CPNE4: variants seen among roughly 807,000 people sequenced by gnomAD.
CPNE4 encodes copine 4.
A neutral mutation model predicts 67.9 loss-of-function variants in CPNE4; 25 were observed. The ratio of observed to expected loss-of-function variants is 0.37; its 90% CI spans 0.27 to 0.51. CPNE4 has a LOEUF of 0.51. Among genes scored for constraint, CPNE4 ranks in the 20% least tolerant of loss-of-function variants. The pLI, the probability that CPNE4 is intolerant of heterozygous loss-of-function variation, is 0.93. For synonymous variants in CPNE4, 242 were observed against 244.9 expected, an observed-to-expected ratio of 0.99 and a Z score of 0.11; for missense variants, 464 against 690.8, an observed-to-expected ratio of 0.67 and a Z score of 3.68.
intron 6 of CPNE4, among the ~76,000 whole-genome samples, chr3:131,679,609 G>GA (rs1382575981): frequency 6.6e-5 from 10 of 152,266 alleles, no homozygotes; most frequent in African/African-American, 2.2e-4. Context: ...CTGTGTCCCA[G>GA]AGATTGTGGT....
chr3:131,560,116 G>T (rs1217475194), intron 11 of CPNE4, among the ~76,000 whole-genome samples: 1 of 151,968 alleles, frequency 6.6e-6, no homozygotes. Context: ...TAAATCTAGG[G>T]TATTAAAGAT....
intron 2 of CPNE4, among the ~76,000 whole-genome samples, chr3:131,794,266 T>A (rs922505): frequency 7.3e-5 from 11 of 150,708 alleles, no homozygotes; most frequent in African/African-American, 2.7e-4. Context: ...TTAGATGGAG[T>A]CTTGCTGTGT....
chr3:131,719,346 A>G (rs1360905950), intron 3 of CPNE4, among the ~76,000 whole-genome samples: 3 of 152,242 alleles, frequency 2.0e-5, no homozygotes, highest in African/African-American at 7.2e-5. Context: ...AAATGTAGAT[A>G]ATGATTCCTG....
chr3:131,801,047 G>A (rs867470006), intron 2 of CPNE4, among the ~76,000 whole-genome samples: 1 of 151,916 alleles, frequency 6.6e-6, no homozygotes, highest in South Asian at 2.1e-4. Context: ...ATACAAGTAG[G>A]GACTTATGTC....
rs370959561 is a variant in CPNE4 at position 131,787,320 on chromosome 3, AG to A, written c.181-63696del. ...AGGGATTAGCATCTATGGAAGAAAC[AG>A]AAATAACAGGATTCAGCAGAGGGAG... is the stretch of plus-strand genomic sequence containing the variant. On this transcript the variant is annotated intron_variant, in intron 2 of 15. Coordinates refer to ENST00000429747, the MANE Select transcript of CPNE4 (RefSeq NM_130808.3). 5.3e-3 allele frequency among the ~76,000 whole-genome samples: 813 copies of A among 152,304 alleles called. 7 individuals are homozygous for A. The highest frequency in any genetic ancestry group is 0.017 in the African/African-American group (707 of 41,564).
At chr3:131,565,963 A>T (rs1937035834) in intron 10 of CPNE4, among the ~76,000 whole-genome samples, 1 of 152,006 alleles carries the variant, frequency 6.6e-6, no homozygotes, top group Admixed American at 6.6e-5. Context: ...CACAGAGGGC[A>T]TGATATTACT....
At chr3:131,689,269 T>C (rs1273376565) in intron 5 of CPNE4, among the ~76,000 whole-genome samples, 3 of 152,122 alleles carry the variant, frequency 2.0e-5, no homozygotes, top group East Asian at 3.9e-4. Context: ...ACCTGGTGAA[T>C]GGGAAGTGTT....
At chr3:131,908,755 A>C (rs1163794713) in intron 1 of CPNE4, among the ~76,000 whole-genome samples, 5 of 152,174 alleles carry the variant, frequency 3.3e-5, no homozygotes, top group African/African-American at 1.2e-4. Flanking sequence ...GTATAATGCA[A>C]AAAGACTCTG....
chr3:131,658,649 C>T (rs1560065657), intron 7 of CPNE4, among the ~76,000 whole-genome samples: 1 of 152,138 alleles, frequency 6.6e-6, no homozygotes, highest in African/African-American at 2.4e-5. Flanking sequence ...CTTACAGGCA[C>T]CATATCTTTG....
intron 10 of CPNE4, among the ~76,000 whole-genome samples, chr3:131,573,552 GT>G: frequency 6.6e-6 from 1 of 152,202 alleles, no homozygotes; most frequent in East Asian, 1.9e-4. Context: ...ATACAGAGTT[GT>G]TCAAGAGCAT....
chr3:131,768,359 C>T (rs1006058498), intron 2 of CPNE4, among the ~76,000 whole-genome samples: 7 of 152,098 alleles, frequency 4.6e-5, no homozygotes, highest in Admixed American at 6.6e-5. Flanking sequence ...AATATTCTAT[C>T]GGCAATGTAA....
At chr3:131,567,013 G>A (rs1937090738) in intron 10 of CPNE4, among the ~76,000 whole-genome samples, 1 of 151,860 alleles carries the variant, frequency 6.6e-6, no homozygotes, top group South Asian at 2.1e-4. Context: ...TTCTATTCAT[G>A]ATGCCTTCCA....
At chr3:131,548,368 A>G (rs11917520) in intron 14 of CPNE4, among the ~76,000 whole-genome samples, 23,618 of 152,024 alleles carry the variant, frequency 0.16, 1,951 homozygotes, top group African/African-American at 0.21. Context: ...GTCTTATTGT[A>G]GAGCTTCCAT....
intron 1 of CPNE4, among the ~76,000 whole-genome samples, chr3:131,976,489 A>T (rs760269244): frequency 2.0e-5 from 3 of 152,174 alleles, no homozygotes; most frequent in Non-Finnish European, 2.9e-5. Flanking sequence ...GAAGATTTTA[A>T]AAAGTAGAAG....
At chr3:131,539,368 T>C (rs1935351791) in intron 15 of CPNE4, among the ~76,000 whole-genome samples, 1 of 152,148 alleles carries the variant, frequency 6.6e-6, no homozygotes, top group South Asian at 2.1e-4. Context: ...CTCAAACACT[T>C]AACTTAAGCT....
intron 2 of CPNE4, among the ~76,000 whole-genome samples, chr3:131,826,627 G>A (rs1305066139): frequency 6.6e-6 from 1 of 152,008 alleles, no homozygotes; most frequent in Admixed American, 6.6e-5. Flanking sequence ...CTATTCTTTG[G>A]AGATTGCTCT....
chr3:131,775,692 C>A (rs182588042), intron 2 of CPNE4, among the ~76,000 whole-genome samples: 1 of 152,272 alleles, frequency 6.6e-6, no homozygotes, highest in Admixed American at 6.5e-5. Context: ...TGAGGCCTTG[C>A]TAGCCACATA....
chr3:131,706,574 T>G (rs1208121076), intron 3 of CPNE4, among the ~76,000 whole-genome samples: 2 of 152,182 alleles, frequency 1.3e-5, no homozygotes, highest in African/African-American at 4.8e-5. Context: ...AAAACTAGTT[T>G]AGGCTATGAT....
intron 1 of CPNE4, among the ~76,000 whole-genome samples, chr3:132,031,917 T>C (rs1001986164): frequency 6.6e-6 from 1 of 152,192 alleles, no homozygotes; most frequent in Non-Finnish European, 1.5e-5. Flanking sequence ...TTTTTTCTAT[T>C]GTTTTGGAAT....
Sources: gnomAD v4.1 joint callset for allele counts (sites outside exome capture counted in the v4.1 genomes callset) on GRCh38, gnomAD v4.1.1 for gene constraint, MANE v1.5 for transcripts, NCBI Gene and HGNC (gene_info 2026-07-23, HGNC 2026-07-21) for gene names.